RAB3GAP1: variants seen among roughly 807,000 people sequenced by gnomAD.
The protein encoded by RAB3GAP1 is rab3 GTPase-activating protein catalytic subunit.
A neutral mutation model predicts 130.7 loss-of-function variants in RAB3GAP1; 86 were observed. The observed-to-expected ratio is 0.66, with a 90% CI of 0.55 to 0.79. RAB3GAP1 has a LOEUF of 0.79. Ranked by LOEUF, RAB3GAP1 falls within the 30% of genes least tolerant of loss-of-function variation. The probability of loss-of-function intolerance (pLI) is 0.00; values close to 1 mark genes in which losing one functional copy is unlikely to be tolerated. For missense variants in RAB3GAP1, 1,029 were observed against 1,169.4 expected (o/e 0.88, Z 1.75); for synonymous variants, 367 against 401.7 (o/e 0.91, Z 1.03).
intron 11 of RAB3GAP1, among the ~76,000 whole-genome samples, chr2:135,128,606 C>T (rs954787614): frequency 1.3e-5 from 2 of 152,094 alleles, no homozygotes; most frequent in Non-Finnish European, 2.9e-5. Flanking sequence ...TGAAAGTATT[C>T]TCATTTTAGT....
At chr2:135,076,078 T>A (rs1272829640) in intron 3 of RAB3GAP1, among the ~76,000 whole-genome samples, 1 of 151,712 alleles carries the variant, frequency 6.6e-6, no homozygotes, top group East Asian at 1.9e-4. Flanking sequence ...TCCCAGCTAA[T>A]TTTTTGTATT....
chr2:135,094,659 C>T (rs1690240853), intron 5 of RAB3GAP1, among the ~76,000 whole-genome samples: 1 of 152,160 alleles, frequency 6.6e-6, no homozygotes, highest in Admixed American at 6.5e-5. Context: ...TGTAAAACTT[C>T]TACCCAGCTT....
Position 135,135,924 on chromosome 2 carries a change from G to A in RAB3GAP1, c.1915G>A (p.Val639Ile). The A allele has an allele frequency of 6.2e-7, 1 of 1,613,838 alleles. No individual in the cohort carries two copies. The highest frequency in any genetic ancestry group is 2.2e-5 in the East Asian group (1 of 44,884). ...TAATGGAGAACCTCTCTACATTCCA[G>A]TAACCCAGGTAGGATGCACTAGTTC... The part of the protein sequence containing the change: ...LHNGEPLYIP[V>I]TQEPAPMTED... The change falls in exon 17 of 24, where the codon GTA becomes ATA. Residue 639 changes from valine to isoleucine, a missense_variant. This residue lies in a region of RAB3GAP1 where 373 missense variants were observed against 493.6 expected (regional missense o/e 0.76). Transcript: ENST00000264158.
At chr2:135,139,488 C>G (rs1691776046) in intron 17 of RAB3GAP1, among the ~76,000 whole-genome samples, 1 of 151,328 alleles carries the variant, frequency 6.6e-6, no homozygotes, top group African/African-American at 2.4e-5. Flanking sequence ...TTGCAGTGAA[C>G]TATGATTGCA....
rs188797094 is a variant in RAB3GAP1, at chr2:135,106,693, A to T, written c.363-6458A>T. On this transcript the variant is annotated intron_variant, in intron 5 of 23. Coordinates refer to ENST00000264158, the MANE Select transcript of RAB3GAP1 (RefSeq NM_012233.3). ...TTCATCTGCTGACCTTCCCTCCACT[A>T]TTGTCCTATGACCCTGCCAAATCCC... Among the ~76,000 whole-genome samples the T allele has an allele frequency of 5.6e-3, 851 of 150,902 alleles. 12 individuals are homozygous for T. The highest frequency in any genetic ancestry group is 0.033 in the South Asian group (155 of 4,758).
rs947301423 is a variant in RAB3GAP1 at position 135,153,718 on chromosome 2, G to A, written c.2131G>A (p.Glu711Lys). The A allele has an allele frequency of 1.1e-5, 18 of 1,613,944 alleles. No homozygotes were observed. The highest frequency in any genetic ancestry group is 6.7e-5 in the African/African-American group (5 of 74,906). ...TTCACCCCGGGATTATATTGAAGAGGAGGTGATTGATGAAAAGGGCAATGT... is the reference window on the plus strand; with the variant it reads ...TTCACCCCGGGATTATATTGAAGAGAAGGTGATTGATGAAAAGGGCAATGT... The part of the protein sequence containing the change: ...WYSPRDYIEE[E>K]VIDEKGNVVL... Residue 711 changes from glutamate to lysine, a missense_variant, in exon 19 of 24, where the codon GAG becomes AAG. By Grantham distance (56) the Glu-to-Lys change is moderately conservative. This residue lies in a region of RAB3GAP1 where 373 missense variants were observed against 493.6 expected (regional missense o/e 0.76). Coordinates refer to ENST00000264158, the MANE Select transcript of RAB3GAP1 (RefSeq NM_012233.3).
intron 11 of RAB3GAP1, 40 bp downstream of exon 11, chr2:135,126,696 C>A: frequency 6.6e-7 from 1 of 1,507,058 alleles, no homozygotes; most frequent in Non-Finnish European, 9.2e-7. Flanking sequence ...TACTGCTGAT[C>A]TGCCTAACTT....
At chr2:135,074,211 A>C (rs1689556644) in intron 3 of RAB3GAP1, among the ~76,000 whole-genome samples, 1 of 151,988 alleles carries the variant, frequency 6.6e-6, no homozygotes, top group Non-Finnish European at 1.5e-5. Flanking sequence ...TACGTGGGAG[A>C]ATTTAGAGTG....
intron 18 of RAB3GAP1, 47 bp from the exon 19 acceptor site, chr2:135,153,602 C>A (rs1573603532): frequency 6.4e-7 from 1 of 1,554,710 alleles, no homozygotes; most frequent in East Asian, 2.2e-5. Flanking sequence ...TTATCAGTAA[C>A]TGTTGATTTT....
At chr2:135,064,692 T>G (rs77688626) in intron 3 of RAB3GAP1, among the ~76,000 whole-genome samples, 2 of 143,500 alleles carry the variant, frequency 1.4e-5, no homozygotes, top group Admixed American at 7.0e-5. Flanking sequence ...GTTGATTATG[T>G]TTTTTTTTTT....
intron 3 of RAB3GAP1, among the ~76,000 whole-genome samples, chr2:135,082,141 CAATG>C (rs112935823): frequency 3.4e-5 from 5 of 148,746 alleles, no homozygotes; most frequent in South Asian, 4.3e-4. Context: ...GACTCTGTCT[CAATG>C]AATGAATGAA....
chr2:135,120,937 A>G lies in RAB3GAP1; in HGVS notation c.748+19A>G, dbSNP rs1453896276. ...CCTCCAGGTGAGATCATTTAGAACT[A>G]TATTTAACTTACTGAATATAAATGG... On this transcript the variant is annotated intron_variant, in intron 8 of 23. Coordinates refer to ENST00000264158, the MANE Select transcript of RAB3GAP1 (RefSeq NM_012233.3). The G allele has an allele frequency of 2.3e-5, 34 of 1,471,906 alleles. No individual in the cohort carries two copies. Among genetic ancestry groups the G allele is most frequent in the Non-Finnish European group, 3.0e-5 (32 of 1,050,798 alleles). 91.2% of individuals were successfully genotyped at this position (1,471,906 alleles called of 1,614,324 possible).
chr2:135,067,871 C>T (rs1558760286), intron 3 of RAB3GAP1, among the ~76,000 whole-genome samples: 1 of 152,206 alleles, frequency 6.6e-6, no homozygotes, highest in Non-Finnish European at 1.5e-5. Flanking sequence ...GCTGGGACTA[C>T]AGGTACATGC....
At chr2:135,147,098 C>T (rs10179432) in intron 17 of RAB3GAP1, among the ~76,000 whole-genome samples, 5,640 of 152,152 alleles carry the variant, frequency 0.037, 312 homozygotes, top group African/African-American at 0.13. Flanking sequence ...GTAATCCTAG[C>T]ACTCTGAGAG....
At chr2:135,127,684 T>C (rs1691397974) in intron 11 of RAB3GAP1, among the ~76,000 whole-genome samples, 1 of 152,120 alleles carries the variant, frequency 6.6e-6, no homozygotes, top group Admixed American at 6.5e-5. Flanking sequence ...AGCCCTTCTA[T>C]AGAGTTGTGT....
intron 15 of RAB3GAP1, 43 bp from the exon 16 acceptor site, chr2:135,135,222 T>A (rs767856408): frequency 6.7e-7 from 1 of 1,493,932 alleles, no homozygotes; most frequent in South Asian, 1.1e-5. Context: ...TGAAGCAATT[T>A]TACTAAAACT....
intron 6 of RAB3GAP1, among the ~76,000 whole-genome samples, chr2:135,113,608 A>G (rs1458225202): frequency 6.6e-6 from 1 of 152,226 alleles, no homozygotes; most frequent in Non-Finnish European, 1.5e-5. Context: ...GCTGTAACCA[A>G]TCAAGCTGTT....
chr2:135,075,403 GA>G (rs71400521), intron 3 of RAB3GAP1, among the ~76,000 whole-genome samples: 1 of 151,690 alleles, frequency 6.6e-6, no homozygotes, highest in African/African-American at 2.4e-5. Context: ...ATTATACCTT[GA>G]AAAAAAGATG....
At chr2:135,129,400 C>T (rs1285868392) in intron 11 of RAB3GAP1, among the ~76,000 whole-genome samples, 4 of 149,818 alleles carry the variant, frequency 2.7e-5, no homozygotes, top group African/African-American at 7.4e-5. Context: ...TGCAGTGAGC[C>T]GAGATTGCGC....
Sources: allele counts gnomAD v4.1 joint callset (sites outside exome capture counted in the v4.1 genomes callset), GRCh38; gene constraint gnomAD v4.1.1; regional missense constraint gnomAD v4.1.1; transcripts MANE v1.5; gene names NCBI Gene and HGNC (gene_info 2026-07-23, HGNC 2026-07-21).